Variants in ARHGEF3 observed in about 807,000 individuals in gnomAD.
ARHGEF3 encodes Rho guanine nucleotide exchange factor 3.
Under a neutral mutation model 63.2 loss-of-function variants are expected in ARHGEF3, and 28 were observed. The observed-to-expected ratio is 0.44, with a 90% CI of 0.33 to 0.61. ARHGEF3 has a LOEUF of 0.61. Among genes scored for constraint, ARHGEF3 ranks in the 20% least tolerant of loss-of-function variants. The pLI is 0.03. For missense variants in ARHGEF3, 533 were observed against 659.3 expected, an observed-to-expected ratio of 0.81 and a Z score of 2.10; for synonymous variants, 266 against 254.2, an observed-to-expected ratio of 1.05 and a Z score of -0.44.
At chr3:56,811,815 A>G (rs192945990) in intron 4 of ARHGEF3, among the ~76,000 whole-genome samples, 391 of 152,330 alleles carry the variant, frequency 2.6e-3, no homozygotes, top group Admixed American at 5.2e-3. Flanking sequence ...CAACTCTAGC[A>G]TTAATAAGTA....
intron 3 of ARHGEF3, among the ~76,000 whole-genome samples, chr3:56,921,073 A>C (rs1239909581): frequency 6.6e-6 from 1 of 150,692 alleles, no homozygotes; most frequent in East Asian, 1.9e-4. Flanking sequence ...AAAAAAAAAA[A>C]AAAACTCATG....
At chr3:57,002,515 T>TTA (rs1457658603) in intron 2 of ARHGEF3, among the ~76,000 whole-genome samples, 15 of 60,394 alleles carry the variant, frequency 2.5e-4, no homozygotes, top group South Asian at 1.1e-3. Context: ...TATATATATG[T>TTA]TATATATGTA....
chr3:57,037,173 AGTGAAAAT>A (rs1703997677), intron 1 of ARHGEF3, among the ~76,000 whole-genome samples: 1 of 152,114 alleles, frequency 6.6e-6, no homozygotes, highest in Admixed American at 6.5e-5. Flanking sequence ...CTAGGGCGAG[AGTGAAAAT>A]GTGGATCCCA....
At chr3:56,890,607 C>T (rs1393594563) in intron 3 of ARHGEF3, among the ~76,000 whole-genome samples, 1 of 152,178 alleles carries the variant, frequency 6.6e-6, no homozygotes, top group Admixed American at 6.5e-5. Context: ...CTGCCTGACT[C>T]TTTCTAACTA....
chr3:57,040,474 C>CAAAAGAAAAGAAAAG (rs145206230), intron 1 of ARHGEF3, among the ~76,000 whole-genome samples: 22 of 144,636 alleles, frequency 1.5e-4, no homozygotes, highest in South Asian at 6.7e-4. Context: ...AAGACTCCGT[C>CAAAAGAAAAGAAAAG]AAAAGAAAAG....
intron 2 of ARHGEF3, among the ~76,000 whole-genome samples, chr3:57,004,888 A>G (rs1194743653): frequency 2.0e-5 from 3 of 152,064 alleles, no homozygotes; most frequent in Non-Finnish European, 2.9e-5. Context: ...TGAGCCCAGG[A>G]GTTTGAGGCT....
chr3:56,745,820 C>T lies in ARHGEF3; in HGVS notation c.613-358G>A, dbSNP rs908085098. ...CTGAGTAGCTGGGACTACAGGCGCCCGCCACCATGCCCGGATAATTTTTTG... is the reference window on the plus strand; with the variant it reads ...CTGAGTAGCTGGGACTACAGGCGCCTGCCACCATGCCCGGATAATTTTTTG... On this transcript the variant is annotated intron_variant, in intron 6 of 9. Transcript: ENST00000296315. Among the ~76,000 whole-genome samples, 13 of 152,122 alleles carry T rather than the reference C, an allele frequency of 8.5e-5. No individual in the cohort carries two copies. In the South Asian group the frequency reaches 1.5e-3, roughly 17 times the overall value.
rs2039077392 is a variant in ARHGEF3, at chr3:56,835,463, AC to A, written c.192+46828del. ...AGTGCTGGGATTACAGGTGTGAGCCACCATGCCCAGCCTAACATTAGGCTTT... is the reference window on the plus strand; with the variant it reads ...AGTGCTGGGATTACAGGTGTGAGCCACATGCCCAGCCTAACATTAGGCTTT... On this transcript the variant is annotated intron_variant, in intron 4 of 12. Transcript: ENST00000338458. 3.3e-5 allele frequency among the ~76,000 whole-genome samples: 5 copies of A among 152,184 alleles called. No individual in the cohort carries two copies. In the South Asian group the frequency reaches 1.0e-3, roughly 31 times the overall value.
chr3:56,923,384 G>A (rs2042202022), intron 3 of ARHGEF3, among the ~76,000 whole-genome samples: 1 of 151,318 alleles, frequency 6.6e-6, no homozygotes, highest in East Asian at 1.9e-4. Flanking sequence ...ATTTTTTGGT[G>A]TAACGATGGA....
At chr3:56,830,914 T>C (rs2108072887) in intron 4 of ARHGEF3, among the ~76,000 whole-genome samples, 1 of 152,300 alleles carries the variant, frequency 6.6e-6, no homozygotes, top group East Asian at 1.9e-4. Flanking sequence ...TCCATCTTTC[T>C]TCTGATCTCA....
intron 3 of ARHGEF3, among the ~76,000 whole-genome samples, chr3:56,918,468 C>T (rs2042039922): frequency 6.6e-6 from 1 of 152,270 alleles, no homozygotes; most frequent in South Asian, 2.1e-4. Context: ...TGGGCTGCAG[C>T]ACTTCGTGCA....
intron 4 of ARHGEF3, among the ~76,000 whole-genome samples, chr3:56,834,486 C>G (rs901116973): frequency 6.6e-6 from 1 of 152,014 alleles, no homozygotes; most frequent in Non-Finnish European, 1.5e-5. Context: ...AGGTCGTGGT[C>G]GGGCCTGATG....
At chr3:57,038,569 T>C (rs1178971581) in intron 1 of ARHGEF3, among the ~76,000 whole-genome samples, 1 of 152,094 alleles carries the variant, frequency 6.6e-6, no homozygotes, top group Non-Finnish European at 1.5e-5. Flanking sequence ...TAGCCTCCCA[T>C]GTTAGCTGGA....
At chr3:56,822,827 C>A in intron 4 of ARHGEF3, among the ~76,000 whole-genome samples, 1 of 133,954 alleles carries the variant, frequency 7.5e-6, no homozygotes, top group African/African-American at 2.9e-5. Context: ...GCACTCCAGC[C>A]AGGGTGACAG....
rs1256459849 is a variant in ARHGEF3 at position 56,732,218 on chromosome 3, A to G, written c.1228+20T>C. The G allele has an allele frequency of 2.5e-6, 4 of 1,612,902 alleles. No homozygotes were observed. Among genetic ancestry groups the G allele is most frequent in the Non-Finnish European group, 3.4e-6 (4 of 1,179,994 alleles). On this transcript the variant is annotated intron_variant, in intron 9 of 9. Transcript: ENST00000296315. ...ACGGCCAAAAACATTCAACAGGTCA[A>G]CCCCGACTGCTATCCATACTTCTCT...
intron 2 of ARHGEF3, 21 bp downstream of exon 2, chr3:56,773,688 G>T: frequency 6.5e-7 from 1 of 1,548,292 alleles, no homozygotes; most frequent in South Asian, 1.2e-5. Context: ...TGCAACCACA[G>T]GCCCTGTGTG....
intron 4 of ARHGEF3, among the ~76,000 whole-genome samples, chr3:56,807,883 G>A (rs773888603): frequency 1.3e-5 from 2 of 152,158 alleles, no homozygotes; most frequent in Non-Finnish European, 2.9e-5. Context: ...CAGCACTTTG[G>A]GAGGCCAAGG....
At chr3:56,884,582 C>T (rs1490525490) in intron 3 of ARHGEF3, among the ~76,000 whole-genome samples, 2 of 152,206 alleles carry the variant, frequency 1.3e-5, no homozygotes, top group African/African-American at 2.4e-5. Context: ...GCTTAATCAG[C>T]CATTTGGGAG....
In ARHGEF3 at chr3:56,773,500, C is replaced by T. The variant is rs191542280; in HGVS notation, c.204+209G>A. ...TGAAATACAATTGTGGGGAAAGGCC[C>T]AACCACAACAGCTCTGGCTCTGCAT... On this transcript the variant is annotated intron_variant, in intron 2 of 9. Coordinates refer to ENST00000296315, the MANE Select transcript of ARHGEF3 (RefSeq NM_019555.3). Among the ~76,000 whole-genome samples, 4 of 152,280 alleles carry T rather than the reference C, an allele frequency of 2.6e-5. No individual in the cohort carries two copies. The South Asian group carries it at 6.2e-4, about 24-fold the overall frequency.
Sources: allele counts gnomAD v4.1 joint callset (sites outside exome capture counted in the v4.1 genomes callset), GRCh38; gene constraint gnomAD v4.1.1; transcripts MANE v1.5; gene names NCBI Gene and HGNC (gene_info 2026-07-23, HGNC 2026-07-21).